Variants in CDK14 observed in about 807,000 individuals in gnomAD.
CDK14 encodes cyclin-dependent kinase 14.
Under a neutral mutation model 60.7 loss-of-function variants are expected in CDK14, and 34 were observed. The ratio of observed to expected loss-of-function variants is 0.56; its 90% CI spans 0.43 to 0.75. The LOEUF is 0.75. Among genes scored for constraint, CDK14 ranks in the 30% least tolerant of loss-of-function variants. The pLI is 0.00. For missense variants in CDK14, 482 were observed against 564.1 expected (o/e 0.85, Z 1.47); for synonymous variants, 197 against 203.7 (o/e 0.97, Z 0.28).
chr7:91,201,217 G>A (rs371236427), intron 14 of CDK14, among the ~76,000 whole-genome samples: 14 of 152,132 alleles, frequency 9.2e-5, no homozygotes, highest in East Asian at 3.9e-4. Flanking sequence ...GAAACTAAAC[G>A]TATTATAGCT....
chr7:90,649,455 C>G (rs1310577579), intron 2 of CDK14, among the ~76,000 whole-genome samples: 2 of 140,440 alleles, frequency 1.4e-5, no homozygotes, highest in African/African-American at 5.3e-5. Flanking sequence ...TTCTTTCCTT[C>G]TTTATTTCTC....
rs374013986 is a variant in CDK14, at chr7:90,639,900, C to T, written c.123+35651C>T. On this transcript the variant is annotated intron_variant, in intron 2 of 14. Coordinates refer to ENST00000380050, the MANE Select transcript of CDK14 (RefSeq NM_001287135.2). Reference sequence around the variant, plus strand: ...GCTGTGCTAGCAATCGGCGAGACTCCGTGGGCGTAGGACCCTCCGAGCCAG... The same window carrying T: ...GCTGTGCTAGCAATCGGCGAGACTCTGTGGGCGTAGGACCCTCCGAGCCAG... Among the ~76,000 whole-genome samples, 557 of 152,226 alleles carry T rather than the reference C, an allele frequency of 3.7e-3. 4 individuals are homozygous for T. The highest frequency in any genetic ancestry group is 0.012 in the African/African-American group (516 of 41,526).
chr7:91,202,092 G>A (rs558268809), intron 14 of CDK14, among the ~76,000 whole-genome samples: 9 of 152,220 alleles, frequency 5.9e-5, no homozygotes, highest in Admixed American at 3.9e-4. Context: ...TGCACAGCGG[G>A]ACTGCTCATT....
chr7:91,180,759 G>T (rs1371420905), intron 14 of CDK14, among the ~76,000 whole-genome samples: 1 of 152,230 alleles, frequency 6.6e-6, no homozygotes, highest in African/African-American at 2.4e-5. Flanking sequence ...AGTGGAACTT[G>T]ACTGGGATTT....
At chr7:91,028,929 A>G (rs974313528) in intron 10 of CDK14, among the ~76,000 whole-genome samples, 1 of 151,946 alleles carries the variant, frequency 6.6e-6, no homozygotes, top group African/African-American at 2.4e-5. Flanking sequence ...TAATATTATT[A>G]TTGTTGCTAT....
intron 7 of CDK14, among the ~76,000 whole-genome samples, chr7:90,909,812 A>G (rs1792832032): frequency 6.6e-6 from 1 of 152,184 alleles, no homozygotes; most frequent in Non-Finnish European, 1.5e-5. Flanking sequence ...AAAGCATATT[A>G]ATGTTCAAAG....
chr7:91,028,410 T>C (rs1185535734), intron 10 of CDK14, among the ~76,000 whole-genome samples: 1 of 152,220 alleles, frequency 6.6e-6, no homozygotes, highest in African/African-American at 2.4e-5. Flanking sequence ...CAGGTATCTT[T>C]TTTATATGAT....
intron 13 of CDK14, among the ~76,000 whole-genome samples, chr7:91,117,545 C>T (rs530995184): frequency 6.6e-6 from 1 of 152,246 alleles, no homozygotes; most frequent in Admixed American, 6.5e-5. Context: ...CACTGACCTC[C>T]TTCCACCCTA....
At chr7:90,866,020 T>C (rs1483250532) in intron 6 of CDK14, among the ~76,000 whole-genome samples, 1 of 152,130 alleles carries the variant, frequency 6.6e-6, no homozygotes, top group African/African-American at 2.4e-5. Flanking sequence ...CTTCCTTTAT[T>C]CTACACTTAA....
chr7:90,609,279 C>G (rs1179230219), intron 2 of CDK14, among the ~76,000 whole-genome samples: 1 of 152,110 alleles, frequency 6.6e-6, no homozygotes, highest in Non-Finnish European at 1.5e-5. Flanking sequence ...CCCATCTCAG[C>G]CTCCTAAAGT....
At chr7:90,838,807 T>C (rs1373491703) in intron 5 of CDK14, among the ~76,000 whole-genome samples, 1 of 152,196 alleles carries the variant, frequency 6.6e-6, no homozygotes, top group African/African-American at 2.4e-5. Flanking sequence ...ATCAAGACAA[T>C]GCGTGCCCAG....
At chr7:90,644,750 A>G (rs1459298002) in intron 2 of CDK14, among the ~76,000 whole-genome samples, 1 of 152,204 alleles carries the variant, frequency 6.6e-6, no homozygotes, top group African/African-American at 2.4e-5. Flanking sequence ...TGGGAAGTGC[A>G]GCCCAGAGTG....
chr7:90,724,248 C>T (rs984147046), intron 2 of CDK14, among the ~76,000 whole-genome samples: 1 of 151,686 alleles, frequency 6.6e-6, no homozygotes, highest in Non-Finnish European at 1.5e-5. Context: ...ATTTGTAGAA[C>T]ATCTGTAGTG....
At chr7:90,962,974 G>A (rs1048466687) in intron 9 of CDK14, among the ~76,000 whole-genome samples, 1 of 152,120 alleles carries the variant, frequency 6.6e-6, no homozygotes, top group Admixed American at 6.5e-5. Context: ...CAGCATCCAA[G>A]GGTGCTATGG....
At chr7:90,652,021 C>G (rs1432563159) in intron 2 of CDK14, among the ~76,000 whole-genome samples, 1 of 152,162 alleles carries the variant, frequency 6.6e-6, no homozygotes, top group African/African-American at 2.4e-5. Flanking sequence ...TCCCAGTGGC[C>G]TCCATCCTCA....
intron 2 of CDK14, among the ~76,000 whole-genome samples, chr7:90,649,401 C>CT (rs1800571503): frequency 7.1e-5 from 7 of 98,658 alleles, no homozygotes; most frequent in Admixed American, 2.7e-4. Flanking sequence ...TTCCTTCTTT[C>CT]TTTCTTTCTT....
intron 5 of CDK14, among the ~76,000 whole-genome samples, chr7:90,858,085 A>C (rs1790886183): frequency 6.6e-6 from 1 of 152,218 alleles, no homozygotes; most frequent in Admixed American, 6.5e-5. Flanking sequence ...TATGTTTTGA[A>C]ATCTAAAATC....
At chr7:91,172,048 A>G (rs1463001576) in intron 14 of CDK14, among the ~76,000 whole-genome samples, 3 of 152,232 alleles carry the variant, frequency 2.0e-5, no homozygotes, top group Non-Finnish European at 4.4e-5. Flanking sequence ...CACAAATTTT[A>G]TCATAAAACA....
At chr7:90,935,603 A>G (rs748881970) in intron 8 of CDK14, among the ~76,000 whole-genome samples, 1 of 152,192 alleles carries the variant, frequency 6.6e-6, no homozygotes, top group Non-Finnish European at 1.5e-5. Context: ...ATGTATACCT[A>G]TCTTTACATA....
Sources: gnomAD v4.1 joint callset for allele counts (sites outside exome capture counted in the v4.1 genomes callset) on GRCh38, gnomAD v4.1.1 for gene constraint, MANE v1.5 for transcripts, NCBI Gene and HGNC (gene_info 2026-07-23, HGNC 2026-07-21) for gene names.